The following CSE1L variants were observed in gnomAD, a reference collection of about 807,000 sequenced individuals.
CSE1L encodes the protein exportin-2.
CSE1L carries 24 observed loss-of-function variants against 120.4 expected under a neutral mutation model. The ratio of observed to expected loss-of-function variants is 0.20; its 90% CI spans 0.14 to 0.28. The LOEUF (loss-of-function observed/expected upper bound fraction) is 0.28, where lower values mean the gene tolerates loss of function less well. Among genes scored for constraint, CSE1L ranks in the 10% least tolerant of loss-of-function variants. CSE1L has a pLI of 1.00. For synonymous variants in CSE1L, 402 were observed against 398.3 expected (o/e 1.01, Z -0.11); for missense variants, 830 against 1,145.2 (o/e 0.72, Z 3.97).
At chr20:49,067,140 AG>A (rs1226340100) in intron 5 of CSE1L, 49 bp from the exon 6 acceptor site, 1 of 1,188,648 alleles carries the variant, frequency 8.4e-7, no homozygotes, top group Non-Finnish European at 1.2e-6. Context: ...ACCTAAAGTG[AG>A]TAAATAAAAA....
intron 24 of CSE1L, 83 bp downstream of exon 24, chr20:49,095,046 T>C: frequency 1.9e-6 from 2 of 1,061,646 alleles, no homozygotes; most frequent in African/African-American, 1.6e-5. Context: ...TGGTGTCTGT[T>C]TTCATTGGTG....
chr20:49,072,242 G>A, intron 8 of CSE1L, 44 bp from the exon 9 acceptor site: 1 of 1,596,090 alleles, frequency 6.3e-7, no homozygotes, highest in Non-Finnish European at 8.5e-7. Flanking sequence ...ACTTATGTTA[G>A]CATTAGAGTT....
At chr20:49,051,026 A>T (rs1047060089) in intron 1 of CSE1L, among the ~76,000 whole-genome samples, 1 of 152,242 alleles carries the variant, frequency 6.6e-6, no homozygotes, top group African/African-American at 2.4e-5. Context: ...TCACTATTGT[A>T]AGGCTCTAGG....
chr20:49,059,375 C>T (rs1053913296), intron 2 of CSE1L, among the ~76,000 whole-genome samples: 3 of 151,722 alleles, frequency 2.0e-5, no homozygotes, highest in South Asian at 4.1e-4. Flanking sequence ...GTTCACAGGA[C>T]TCAGCTGTTA....
At chr20:49,090,863 C>A in intron 20 of CSE1L, 24 bp downstream of exon 20, 1 of 1,603,864 alleles carries the variant, frequency 6.2e-7, no homozygotes, top group Non-Finnish European at 8.5e-7. Context: ...GAACTTTGTG[C>A]ATTTATTTAG....
At chr20:49,046,915 C>G (rs1200847946) in intron 1 of CSE1L, among the ~76,000 whole-genome samples, 2 of 152,238 alleles carry the variant, frequency 1.3e-5, no homozygotes, top group Non-Finnish European at 2.9e-5. Flanking sequence ...TCGCGTCGTC[C>G]CTTGCCCTAA....
intron 1 of CSE1L, among the ~76,000 whole-genome samples, chr20:49,046,767 C>A (rs117015033): frequency 0.014 from 2,101 of 151,932 alleles, 21 homozygotes; most frequent in South Asian, 0.036. Context: ...GCCGCCTCTC[C>A]GCTCGGGAAG....
chr20:49,070,138 G>T, intron 7 of CSE1L, 67 bp from the exon 8 acceptor site: 2 of 738,560 alleles, frequency 2.7e-6, no homozygotes, highest in South Asian at 1.8e-5. Flanking sequence ...CACGTGGTAA[G>T]GGAACTTATA....
chr20:49,082,353 A>G (rs1006346748), intron 14 of CSE1L, among the ~76,000 whole-genome samples: 6 of 152,088 alleles, frequency 3.9e-5, no homozygotes, highest in African/African-American at 1.4e-4. Context: ...CATCTTGGCC[A>G]GGCTGGTCTT....
At chr20:49,078,691 A>C in intron 14 of CSE1L, 69 bp downstream of exon 14, 108 of 1,003,116 alleles carry the variant, frequency 1.1e-4, no homozygotes, top group Non-Finnish European at 1.4e-4. Flanking sequence ...CCACCTTCTC[A>C]TCTACTGTGC....
intron 24 of CSE1L, 100 bp from the exon 25 acceptor site, chr20:49,096,249 T>A (rs2092139485): frequency 1.1e-6 from 1 of 924,472 alleles, no homozygotes. Flanking sequence ...CTTGACTGGC[T>A]GCTCTTCCCA....
intron 21 of CSE1L, 92 bp downstream of exon 21, chr20:49,091,114 G>T: frequency 1.1e-6 from 1 of 933,386 alleles, no homozygotes; most frequent in Non-Finnish European, 1.7e-6. Context: ...TTTTTTATCC[G>T]TTTTAAACTT....
At chr20:49,080,163 A>G (rs530015243) in intron 14 of CSE1L, among the ~76,000 whole-genome samples, 1 of 151,592 alleles carries the variant, frequency 6.6e-6, no homozygotes, top group South Asian at 2.1e-4. Flanking sequence ...TTAGACTTAG[A>G]TTCCTTGGTC....
intron 1 of CSE1L, among the ~76,000 whole-genome samples, chr20:49,056,897 C>T (rs1470023423): frequency 6.6e-6 from 1 of 150,490 alleles, no homozygotes; most frequent in Non-Finnish European, 1.5e-5. Context: ...GGTGAAAGCA[C>T]TTAAAATATA....
At chr20:49,076,063 C>G (rs954995716) in intron 12 of CSE1L, among the ~76,000 whole-genome samples, 4 of 152,198 alleles carry the variant, frequency 2.6e-5, no homozygotes, top group Non-Finnish European at 2.9e-5. Flanking sequence ...AATTCCTGAC[C>G]TCGTGTGATC....
In CSE1L at chr20:49,063,563, A is replaced by C. The variant is rs77912819; in HGVS notation, c.228+219A>C. 7.7e-3 allele frequency among the ~76,000 whole-genome samples: 1,171 copies of C among 152,290 alleles called. 17 individuals are homozygous for C. The highest frequency in any genetic ancestry group is 0.026 in the African/African-American group (1,075 of 41,556). ...ACAGAATGAGACCTTGTCTCAAAAA[A>C]AAGGATTCAGATATGGATCAAAGAT... On this transcript the variant is annotated intron_variant, in intron 3 of 24. Transcript: ENST00000262982.
At chr20:49,070,977 G>A (rs1194590158) in intron 8 of CSE1L, among the ~76,000 whole-genome samples, 1 of 152,064 alleles carries the variant, frequency 6.6e-6, no homozygotes, top group African/African-American at 2.4e-5. Flanking sequence ...TCGAGAAAGA[G>A]AGAAAATGGT....
intron 10 of CSE1L, among the ~76,000 whole-genome samples, chr20:49,073,088 T>C (rs1175044710): frequency 6.6e-6 from 1 of 152,168 alleles, no homozygotes; most frequent in East Asian, 1.9e-4. Flanking sequence ...CTTGGCTCAC[T>C]GCAACCTTAG....
chr20:49,083,632 G>C (rs749025585), intron 14 of CSE1L, among the ~76,000 whole-genome samples: 6 of 152,112 alleles, frequency 3.9e-5, no homozygotes, highest in African/African-American at 1.2e-4. Flanking sequence ...GATTGTTCTC[G>C]TATTTGTTGC....
Sources: gnomAD v4.1 joint callset for allele counts (sites outside exome capture counted in the v4.1 genomes callset) on GRCh38, gnomAD v4.1.1 for gene constraint, MANE v1.5 for transcripts, NCBI Gene and HGNC (gene_info 2026-07-23, HGNC 2026-07-21) for gene names.